MFSD2A: variants seen among roughly 807,000 people sequenced by gnomAD.
MFSD2A encodes sodium-dependent lysophosphatidylcholine symporter 1.
Under a neutral mutation model 64.7 loss-of-function variants are expected in MFSD2A, and 27 were observed. That is an observed-to-expected ratio of 0.42 (90% CI 0.31 to 0.58). The LOEUF (loss-of-function observed/expected upper bound fraction) is 0.58. MFSD2A is among the 20% of genes least tolerant of loss of function. MFSD2A has a pLI of 0.18. For synonymous variants in MFSD2A, 258 were observed against 273.4 expected (o/e 0.94, Z 0.55); for missense variants, 474 against 679.5 (o/e 0.70, Z 3.36).
Position 39,966,900 on chromosome 1 carries a change from A to G in MFSD2A, c.895A>G (p.Thr299Ala). 3 of 1,613,558 alleles carry G rather than the reference A, an allele frequency of 1.9e-6. No homozygotes were observed. The highest frequency in any genetic ancestry group is 2.5e-6 in the Non-Finnish European group (3 of 1,179,998). Residue 299 changes from threonine to alanine, a missense_variant, in exon 8 of 14, where the codon ACT (threonine) becomes GCT (alanine). By Grantham distance (58) the Thr-to-Ala change is moderately conservative (BLOSUM62 0). Coordinates refer to ENST00000372811, the MANE Select transcript of MFSD2A (RefSeq NM_032793.5). ...CCACGGCCCATACATCAAACTTATT[A>G]CTGGCTTCCTCTTCACCTCCTTGGC... ...MSHGPYIKLI[T>A]GFLFTSLAFM...
chr1:39,959,264 T>C (rs1644987050), intron 3 of MFSD2A, among the ~76,000 whole-genome samples: 1 of 151,316 alleles, frequency 6.6e-6, no homozygotes, highest in African/African-American at 2.4e-5. Context: ...TTTTTTTTTT[T>C]AGAGACAGGG....
chr1:39,967,371 A>G, intron 9 of MFSD2A: 1 of 633,496 alleles, frequency 1.6e-6, no homozygotes, highest in South Asian at 1.9e-5. Flanking sequence ...TTGAGTAGTG[A>G]GCACAGCAAA....
At position 39,966,797 on chromosome 1, in the gene MFSD2A, G is replaced by A. The variant is rs368608657; in HGVS notation, c.806-14G>A. 64 of 1,613,866 alleles carry A rather than the reference G, an allele frequency of 4.0e-5. No individual in the cohort carries two copies. The highest frequency in any genetic ancestry group is 2.6e-4 in the South Asian group (24 of 91,086). On this transcript the variant is annotated splice_polypyrimidine_tract_variant and intron_variant, in intron 7 of 13. Transcript: ENST00000372811. ...GGTCTCTGCTCCTTCCTCACTGTCC[G>A]CTCTGGCCCCCAGAACCCTATGAAG...
In MFSD2A at chr1:39,960,926, C is replaced by G. The variant is rs926640989; in HGVS notation, c.353+2101C>G. Among the ~76,000 whole-genome samples, 1 of 152,160 alleles carries G rather than the reference C, an allele frequency of 6.6e-6. No homozygotes were observed. The highest frequency in any genetic ancestry group is 6.5e-5 in the Admixed American group (1 of 15,282). On this transcript the variant is annotated intron_variant, in intron 3 of 13. Coordinates refer to ENST00000372811, the MANE Select transcript of MFSD2A (RefSeq NM_032793.5). This position sits in a 1 kb window ranked among gnomAD's most constrained non-coding sequence, Gnocchi z 4.8. Reference sequence around the variant, plus strand: ...CTGGTGGTGCCTGTGTATGCCTGCACGCGGGATGGCTCGTGGGCTGAAGGC... The same window carrying G: ...CTGGTGGTGCCTGTGTATGCCTGCAGGCGGGATGGCTCGTGGGCTGAAGGC...
intron 2 of MFSD2A, among the ~76,000 whole-genome samples, chr1:39,957,456 G>C (rs1557629105): frequency 6.6e-6 from 1 of 152,226 alleles, no homozygotes; most frequent in Non-Finnish European, 1.5e-5. Flanking sequence ...TCCTTGCCTG[G>C]CATGAGCAAC....
chr1:39,967,355 A>C, intron 9 of MFSD2A, 186 bp downstream of exon 9: 3 of 642,474 alleles, frequency 4.7e-6, no homozygotes, highest in Non-Finnish European at 8.1e-6. Context: ...GTTTGAGGTT[A>C]GATGTTTGAG....
Position 39,968,369 on chromosome 1 carries a change from T to C in MFSD2A, c.1244T>C (p.Leu415Pro). 1 of 1,614,208 alleles carries C rather than the reference T, an allele frequency of 6.2e-7. No individual in the cohort carries two copies. The highest frequency in any genetic ancestry group is 2.2e-5 in the East Asian group (1 of 44,882). Residue 415 changes from leucine (L) to proline (P), a missense_variant, in exon 12 of 14, where the codon CTG (leucine) becomes CCG (proline). Transcript: ENST00000372811. This position sits in a 1 kb window ranked among gnomAD's most constrained non-coding sequence, Gnocchi z 4.4. ...MLPDVIDDFH[L>P]KQPHFHGTEP... ...CCTGATGTCATTGACGACTTCCATC[T>C]GAAGCAGCCCCACTTCCATGGAACC...
Position 39,968,256 on chromosome 1 carries a change from C to G in MFSD2A, c.1209-78C>G. The G allele has an allele frequency of 6.3e-7, 1 of 1,587,844 alleles. No homozygotes were observed. Among genetic ancestry groups the G allele is most frequent in the South Asian group, 1.1e-5 (1 of 89,844 alleles). On this transcript the variant is annotated intron_variant, in intron 11 of 13. Transcript: ENST00000372811. This position sits in a 1 kb window ranked among gnomAD's most constrained non-coding sequence, Gnocchi z 4.4. ...TGTGTACCCATGGTACTGCAAGCTTCCAGAGGGCCACCTCTTCTCATTAAC... is the reference window on the plus strand; with the variant it reads ...TGTGTACCCATGGTACTGCAAGCTTGCAGAGGGCCACCTCTTCTCATTAAC...
intron 2 of MFSD2A, 133 bp downstream of exon 2, chr1:39,957,354 T>A (rs1369685643): frequency 2.2e-6 from 2 of 905,448 alleles, no homozygotes; most frequent in African/African-American, 1.7e-5. Flanking sequence ...TGCCTCTGAG[T>A]CAGTGAGCAA....
intron 3 of MFSD2A, among the ~76,000 whole-genome samples, chr1:39,961,121 C>T (rs1242683290): frequency 6.6e-6 from 1 of 151,668 alleles, no homozygotes; most frequent in Non-Finnish European, 1.5e-5. Context: ...CTGGCCAGAC[C>T]TCTCCATCCA....
chr1:39,955,331 G>A lies in MFSD2A; in HGVS notation c.39G>A (p.Ala13=), dbSNP rs752299974. The part of the protein sequence containing the change: ...KGEGAESGSA[A]GLLPTSILQS... ...AAGGCGCCGAGAGCGGCTCCGCGGC[G>A]GGGCTGCTACCCACCAGCATCCTCC... is the stretch of plus-strand genomic sequence containing the variant. Residue 13 remains alanine (A), a synonymous_variant, in exon 1 of 14, where the codon GCG becomes GCA. Coordinates refer to ENST00000372811, the MANE Select transcript of MFSD2A (RefSeq NM_032793.5). The surrounding 1 kb of genome is among the most constrained non-coding windows in gnomAD (Gnocchi z 5.9). 133 of 1,443,634 alleles carry A rather than the reference G, an allele frequency of 9.2e-5. No homozygotes were observed. Among genetic ancestry groups the A allele is most frequent in the Middle Eastern group, 3.9e-4 (2 of 5,174 alleles). 89.4% of individuals were successfully genotyped at this position (1,443,634 alleles called of 1,614,324 possible).
rs1344167962 is a variant in MFSD2A at position 39,968,789 on chromosome 1, G to C, written c.1529+44G>C. The C allele has an allele frequency of 6.2e-7, 1 of 1,606,080 alleles. No homozygotes were observed. Among genetic ancestry groups the C allele is most frequent in the Non-Finnish European group, 8.5e-7 (1 of 1,176,134 alleles). On this transcript the variant is annotated intron_variant, in intron 13 of 13. Transcript: ENST00000372811. This position sits in a 1 kb window ranked among gnomAD's most constrained non-coding sequence, Gnocchi z 4.4. Reference sequence around the variant, plus strand: ...GGATGCTGGAGGAGGGGACGTCACTGTGTCTAAACCCTCAATTTGTGTCTC... The same window carrying C: ...GGATGCTGGAGGAGGGGACGTCACTCTGTCTAAACCCTCAATTTGTGTCTC...
In MFSD2A at chr1:39,968,775, G is replaced by T. The variant is rs759328458; in HGVS notation, c.1529+30G>T. The stretch of plus-strand genomic sequence containing the variant: ...GTGGGGAGGGGACAGGATGCTGGAG[G>T]AGGGGACGTCACTGTGTCTAAACCC... On this transcript the variant is annotated intron_variant, in intron 13 of 13. Coordinates refer to ENST00000372811, the MANE Select transcript of MFSD2A (RefSeq NM_032793.5). The surrounding 1 kb of genome is among the most constrained non-coding windows in gnomAD (Gnocchi z 4.4). 4.3e-6 allele frequency: 7 copies of T among 1,612,076 alleles called. No individual in the cohort carries two copies. In the African/African-American group the frequency reaches 9.3e-5, roughly 22 times the overall value.
At chr1:39,962,249 A>G (rs941719418) in intron 3 of MFSD2A, among the ~76,000 whole-genome samples, 10 of 152,104 alleles carry the variant, frequency 6.6e-5, no homozygotes, top group Non-Finnish European at 7.4e-5. Flanking sequence ...CTTTGCACTG[A>G]CTATTCCCTT....
chr1:39,969,832 A>C lies in MFSD2A; in HGVS notation c.*264A>C. 1 of 426,142 alleles carries C rather than the reference A, an allele frequency of 2.3e-6. No homozygotes were observed. Among genetic ancestry groups the C allele is most frequent in the Non-Finnish European group, 4.0e-6 (1 of 252,634 alleles). The allele number at this position is 426,142 out of a possible 1,614,324, so 26.4% of individuals were successfully genotyped here. A position where few individuals can be genotyped will look rare whatever the true frequency, so the allele number is the denominator to read the frequency against. On this transcript the variant is annotated 3_prime_UTR_variant, in exon 14 of 14. Transcript: ENST00000372811. ...TGATCGGGCCTAGCCCGGAACACTA[A>C]TGTAGAAACCTTTTTTTTTACAGAG...
In MFSD2A at chr1:39,963,339, C is replaced by T; in HGVS notation, c.354-1872C>T. 4.7e-6 allele frequency: 5 copies of T among 1,055,798 alleles called. No homozygotes were observed. Among genetic ancestry groups the T allele is most frequent in the Admixed American group, 2.0e-5 (1 of 49,960 alleles). The allele number at this position is 1,055,798 out of a possible 1,614,324, so 65.4% of individuals were successfully genotyped here. The stretch of plus-strand genomic sequence containing the variant: ...GAAGGAGACTGTATTCACCAAGTCT[C>T]CCGATCAGGAATTCACTGACCACCT... On this transcript the variant is annotated intron_variant, in intron 3 of 13. Coordinates refer to ENST00000372811, the MANE Select transcript of MFSD2A (RefSeq NM_032793.5). This position sits in a 1 kb window ranked among gnomAD's most constrained non-coding sequence, Gnocchi z 4.2.
In MFSD2A at chr1:39,955,280, T is replaced by C. The variant is rs941539764; in HGVS notation, c.-13T>C. ...CCCGTCTACCAGGTCCCAAGCGGCG[T>C]GGCCCGCGGGTCATGGCCAAAGGAG... On this transcript the variant is annotated 5_prime_UTR_variant, in exon 1 of 14. Transcript: ENST00000372811. This position sits in a 1 kb window ranked among gnomAD's most constrained non-coding sequence, Gnocchi z 5.9. 7.1e-7 allele frequency: 1 copy of C among 1,406,708 alleles called. No homozygotes were observed. Among genetic ancestry groups the C allele is most frequent in the Non-Finnish European group, 9.3e-7 (1 of 1,078,272 alleles). The allele number at this position is 1,406,708 out of a possible 1,614,324, so 87.1% of individuals were successfully genotyped here.
chr1:39,964,877 T>G lies in MFSD2A; in HGVS notation c.354-334T>G, dbSNP rs1029192495. On this transcript the variant is annotated intron_variant, in intron 3 of 13. Coordinates refer to ENST00000372811, the MANE Select transcript of MFSD2A (RefSeq NM_032793.5). This position sits in a 1 kb window ranked among gnomAD's most constrained non-coding sequence, Gnocchi z 4.1. ...ACACGGGAGTTGGGGCTGCTCCTTC[T>G]CTTTGCCTCCTTGCCCAGGCACCTG... 9.5e-5 allele frequency: 33 copies of G among 346,996 alleles called. No homozygotes were observed. The highest frequency in any genetic ancestry group is 8.5e-4 in the Middle Eastern group (1 of 1,178). 21.5% of individuals were successfully genotyped at this position (346,996 alleles called of 1,614,324 possible).
At position 39,965,345 on chromosome 1, in the gene MFSD2A, G is replaced by A. The variant is rs539868707; in HGVS notation, c.477+11G>A. ...GAAACAATGGTCACGGTGAGTGTGG[G>A]TACCTCCCTTGGGTGTCTCTAGGGG... On this transcript the variant is annotated intron_variant, in intron 4 of 13. Transcript: ENST00000372811. The surrounding 1 kb of genome is among the most constrained non-coding windows in gnomAD (Gnocchi z 5.5). 4.7e-5 allele frequency: 76 copies of A among 1,613,974 alleles called. No individual in the cohort carries two copies. The South Asian group carries it at 7.1e-4, about 15-fold the overall frequency.
Sources: allele counts gnomAD v4.1 joint callset (sites outside exome capture counted in the v4.1 genomes callset), GRCh38; gene constraint gnomAD v4.1.1; non-coding constraint Gnocchi (gnomAD v3.1); transcripts MANE v1.5; gene names NCBI Gene and HGNC (gene_info 2026-07-23, HGNC 2026-07-21).